Variants in RAD51C observed in about 807,000 individuals in gnomAD.
The protein encoded by RAD51C is RAD51 paralog C, also known as DNA repair protein RAD51 homolog 3.
In RAD51C, 42 loss-of-function variants were observed where a neutral mutation model predicts 45.0. The ratio of observed to expected loss-of-function variants is 0.93; its 90% CI spans 0.73 to 1.21. RAD51C has a LOEUF of 1.21. RAD51C is among the 50% of genes most tolerant of loss of function. The probability of loss-of-function intolerance (pLI) is 0.00; values close to 1 mark genes in which losing one functional copy is unlikely to be tolerated. For synonymous variants in RAD51C, 172 were observed against 159.8 expected, an observed-to-expected ratio of 1.08 and a Z score of -0.58; for missense variants, 474 against 452.2, an observed-to-expected ratio of 1.05 and a Z score of -0.44.
chr17:58,705,112 C>CAG (rs35988971), intron 4 of RAD51C, among the ~76,000 whole-genome samples: 95,959 of 150,648 alleles, frequency 0.64, 30,928 homozygotes, highest in African/African-American at 0.71. Context: ...GCCTGGGAGA[C>CAG]AGAGAGACTC....
intron 3 of RAD51C, among the ~76,000 whole-genome samples, chr17:58,700,500 T>G (rs888420612): frequency 5.3e-5 from 8 of 152,160 alleles, no homozygotes; most frequent in Non-Finnish European, 8.8e-5. Context: ...TGGAGTGCAG[T>G]GGCGCGATCT....
intron 4 of RAD51C, 148 bp downstream of exon 4, chr17:58,703,477 A>G: frequency 1.3e-6 from 1 of 791,860 alleles, no homozygotes; most frequent in South Asian, 1.8e-5. Context: ...ATTTATTTAT[A>G]TTTATATTTG....
intron 5 of RAD51C, among the ~76,000 whole-genome samples, chr17:58,714,735 G>A (rs552078421): frequency 2.6e-5 from 4 of 152,174 alleles, no homozygotes; most frequent in East Asian, 1.9e-4. Flanking sequence ...GGGATTATAC[G>A]CGTGAGCCAC....
At chr17:58,704,875 C>T (rs973287372) in intron 4 of RAD51C, among the ~76,000 whole-genome samples, 2 of 151,894 alleles carry the variant, frequency 1.3e-5, no homozygotes, top group Admixed American at 6.6e-5. Context: ...TGGAAAATGC[C>T]ATCTCTTTGT....
Position 58,734,639 on chromosome 17 carries a change from GGCTGGAGT to G in RAD51C, c.*420_*427del, listed in dbSNP as rs1301592674. ...AGATGGATTCTCGCTCTGTAGTCCAGGCTGGAGTGCAATGGCGCAATCTCTGCTCACTG... is the reference window on the plus strand; with the variant it reads ...AGATGGATTCTCGCTCTGTAGTCCAGGCAATGGCGCAATCTCTGCTCACTG... On this transcript the variant is annotated 3_prime_UTR_variant, in exon 9 of 9. Coordinates refer to ENST00000337432, the MANE Select transcript of RAD51C (RefSeq NM_058216.3). 5.1e-6 allele frequency: 1 copy of G among 195,030 alleles called. No homozygotes were observed. The highest frequency in any genetic ancestry group is 9.8e-6 in the Non-Finnish European group (1 of 101,700). 12.1% of individuals were successfully genotyped at this position (195,030 alleles called of 1,614,324 possible).
Position 58,695,018 on chromosome 17 carries a change from C to T in RAD51C, c.233C>T (p.Thr78Ile), listed in dbSNP as rs112832782. Residue 78 changes from threonine to isoleucine, a missense_variant, in exon 2 of 9, where the codon ACA becomes ATA. Transcript: ENST00000337432. ...CLTNKPRYAGTSESHKKCTAL... is the reference protein window; with the variant it reads ...CLTNKPRYAGISESHKKCTAL... ...ACAAATAAACCAAGATATGCTGGTACATCTGAGTCACACAAGAAGTGTACA... is the reference window on the plus strand; with the variant it reads ...ACAAATAAACCAAGATATGCTGGTATATCTGAGTCACACAAGAAGTGTACA... The T allele has an allele frequency of 1.1e-5, 18 of 1,614,004 alleles. No homozygotes were observed. The East Asian group carries it at 4.0e-4, about 36-fold the overall frequency.
chr17:58,695,231 ATAT>A, intron 2 of RAD51C, 42 bp downstream of exon 2: 1 of 1,576,086 alleles, frequency 6.3e-7, no homozygotes, highest in Non-Finnish European at 8.6e-7. Context: ...GTTTAATAAC[ATAT>A]TATGAAAGTA....
At chr17:58,718,845 T>C (rs4258686) in intron 5 of RAD51C, among the ~76,000 whole-genome samples, 151,608 of 152,238 alleles carry the variant, frequency 1, 75,492 homozygotes, top group Middle Eastern at 1. Flanking sequence ...TGCTTCCTTC[T>C]TAAAAGTATA....
chr17:58,700,720 G>T (rs8070828), intron 3 of RAD51C, among the ~76,000 whole-genome samples: 1 of 152,000 alleles, frequency 6.6e-6, no homozygotes, highest in Admixed American at 6.6e-5. Context: ...GATTACAGGC[G>T]TGAGCCACCA....
At chr17:58,699,166 C>T (rs2048123479) in intron 3 of RAD51C, among the ~76,000 whole-genome samples, 2 of 151,568 alleles carry the variant, frequency 1.3e-5, no homozygotes, top group Non-Finnish European at 2.9e-5. Flanking sequence ...GCCACAATGC[C>T]CGGCTAATTT....
chr17:58,703,367 T>G, intron 4 of RAD51C, 38 bp downstream of exon 4: 2 of 1,588,504 alleles, frequency 1.3e-6, no homozygotes, highest in Non-Finnish European at 8.6e-7. Context: ...TAACCAAGTA[T>G]TTTTTGAGGT....
chr17:58,693,602 T>C (rs1034757766), intron 1 of RAD51C: 4 of 152,112 alleles, frequency 2.6e-5, no homozygotes, highest in Non-Finnish European at 5.9e-5. Flanking sequence ...TCCCCCAAGA[T>C]TTGATGGGCT....
intron 1 of RAD51C, 120 bp downstream of exon 1, chr17:58,692,908 A>C (rs577305218): frequency 1.6e-4 from 228 of 1,451,516 alleles, no homozygotes; most frequent in Non-Finnish European, 1.9e-4. Flanking sequence ...TCCCACGTCC[A>C]TGTTTACAGC....
At chr17:58,694,498 T>TTTA in intron 1 of RAD51C, 3 of 149,836 alleles carry the variant, frequency 2.0e-5, no homozygotes, top group Admixed American at 6.6e-5. Context: ...TTTTTTTTTT[T>TTTA]GAGACGGAGT....
At chr17:58,712,190 T>C (rs1397634477) in intron 5 of RAD51C, among the ~76,000 whole-genome samples, 1 of 151,232 alleles carries the variant, frequency 6.6e-6, no homozygotes, top group Non-Finnish European at 1.5e-5. Flanking sequence ...CTACTAAAAA[T>C]ACAAAAAATA....
chr17:58,717,149 A>G (rs990992810), intron 5 of RAD51C, among the ~76,000 whole-genome samples: 17 of 151,900 alleles, frequency 1.1e-4, no homozygotes, highest in Admixed American at 1.1e-3. Context: ...GCTCATGCCT[A>G]TAATCCCAGC....
rs1427921130 is a variant in RAD51C, at chr17:58,734,662, T to C, written c.*440T>C. Reference sequence around the variant, plus strand: ...CAGGCTGGAGTGCAATGGCGCAATCTCTGCTCACTGCAACCTCCGCCTCCC... The same window carrying C: ...CAGGCTGGAGTGCAATGGCGCAATCCCTGCTCACTGCAACCTCCGCCTCCC... On this transcript the variant is annotated 3_prime_UTR_variant, in exon 9 of 9. Coordinates refer to ENST00000337432, the MANE Select transcript of RAD51C (RefSeq NM_058216.3). 5.9e-6 allele frequency: 1 copy of C among 169,960 alleles called. No homozygotes were observed. The highest frequency in any genetic ancestry group is 1.8e-4 in the East Asian group (1 of 5,464). The allele number at this position is 169,960 out of a possible 1,614,324, so 10.5% of individuals were successfully genotyped here. A position where few individuals can be genotyped will look rare whatever the true frequency, so the allele number is the denominator to read the frequency against.
Position 58,720,829 on chromosome 17 carries a change from A to G in RAD51C, c.904+17A>G, listed in dbSNP as rs760664998. ...CTGCATTAGGTGGGTAATTAATCAG[A>G]TAAACATTTTAGTTTATCACAGTTT... On this transcript the variant is annotated intron_variant, in intron 6 of 8. Transcript: ENST00000337432. The G allele has an allele frequency of 2.5e-6, 4 of 1,591,334 alleles. No individual in the cohort carries two copies. In the African/African-American group the frequency reaches 4.0e-5, roughly 16 times the overall value.
At chr17:58,701,972 C>A (rs151183360) in intron 3 of RAD51C, among the ~76,000 whole-genome samples, 1 of 151,420 alleles carries the variant, frequency 6.6e-6, no homozygotes, top group East Asian at 1.9e-4. Context: ...TTCATTTGAA[C>A]ATTTTTTCTA....
Sources: allele counts gnomAD v4.1 joint callset (sites outside exome capture counted in the v4.1 genomes callset), GRCh38; gene constraint gnomAD v4.1.1; transcripts MANE v1.5; gene names NCBI Gene and HGNC (gene_info 2026-07-23, HGNC 2026-07-21).